The following RNGTT variants were observed in gnomAD, a reference collection of about 807,000 sequenced individuals.
The protein encoded by RNGTT is mRNA-capping enzyme.
Under a neutral mutation model 79.3 loss-of-function variants are expected in RNGTT, and 33 were observed. The observed-to-expected ratio is 0.42, with a 90% CI of 0.32 to 0.56. The LOEUF is 0.56. RNGTT is among the 20% of genes least tolerant of loss of function. The probability of loss-of-function intolerance (pLI) is 0.17; values close to 1 mark genes in which losing one functional copy is unlikely to be tolerated. For missense variants in RNGTT, 497 were observed against 739.1 expected (o/e 0.67, Z 3.80); for synonymous variants, 222 against 235.9 (o/e 0.94, Z 0.54).
intron 12 of RNGTT, among the ~76,000 whole-genome samples, chr6:88,787,521 T>C (rs1157337349): frequency 6.6e-6 from 1 of 151,974 alleles, no homozygotes; most frequent in Non-Finnish European, 1.5e-5. Flanking sequence ...TAGCTGGGTG[T>C]GGTGGTGCGG....
chr6:88,665,357 C>T (rs962749411), intron 14 of RNGTT, among the ~76,000 whole-genome samples: 2 of 152,142 alleles, frequency 1.3e-5, no homozygotes, highest in African/African-American at 4.8e-5. Flanking sequence ...TGGAAGGTAT[C>T]CAGGTTCATC....
intron 8 of RNGTT, among the ~76,000 whole-genome samples, chr6:88,869,436 T>C (rs1782285566): frequency 6.6e-6 from 1 of 152,156 alleles, no homozygotes; most frequent in African/African-American, 2.4e-5. Context: ...AGCTGATTGG[T>C]TTAATTTCAC....
chr6:88,807,723 A>G (rs1582484973), intron 11 of RNGTT, among the ~76,000 whole-genome samples: 1 of 152,114 alleles, frequency 6.6e-6, no homozygotes, highest in Non-Finnish European at 1.5e-5. Flanking sequence ...ACACACCCCA[A>G]TGGACTCCAA....
At chr6:88,789,783 G>T (rs927141668) in intron 12 of RNGTT, among the ~76,000 whole-genome samples, 3 of 152,124 alleles carry the variant, frequency 2.0e-5, no homozygotes, top group Admixed American at 2.0e-4. Flanking sequence ...TTTGCCTTTG[G>T]AATATTTCTG....
intron 12 of RNGTT, among the ~76,000 whole-genome samples, chr6:88,772,173 T>C (rs1401363075): frequency 6.6e-6 from 1 of 150,698 alleles, no homozygotes. Flanking sequence ...AGTGAAACTC[T>C]GTCTCAAAAA....
intron 12 of RNGTT, among the ~76,000 whole-genome samples, chr6:88,773,674 T>C (rs1778777299): frequency 6.6e-6 from 1 of 151,926 alleles, no homozygotes; most frequent in South Asian, 2.1e-4. Flanking sequence ...CTATAGCAAA[T>C]TGATTTCTTT....
At chr6:88,811,053 G>C (rs139506710) in intron 11 of RNGTT, among the ~76,000 whole-genome samples, 1 of 152,194 alleles carries the variant, frequency 6.6e-6, no homozygotes, top group East Asian at 1.9e-4. Context: ...TCAGAAACGT[G>C]GTTCTACTTA....
rs75335002 is a variant in RNGTT at position 88,820,877 on chromosome 6, C to A, written c.1270-19245G>T. Among the ~76,000 whole-genome samples the A allele has an allele frequency of 5.2e-3, 792 of 152,220 alleles. 8 individuals are homozygous for A. Among genetic ancestry groups the A allele is most frequent in the African/African-American group, 0.019 (770 of 41,564 alleles). On this transcript the variant is annotated intron_variant, in intron 11 of 15. Coordinates refer to ENST00000369485, the MANE Select transcript of RNGTT (RefSeq NM_003800.5). ...GACTCAATATTGTCAAGATGTCAGTCTTCCCAATTTGATCTACAGATTCAA... is the reference window on the plus strand; with the variant it reads ...GACTCAATATTGTCAAGATGTCAGTATTCCCAATTTGATCTACAGATTCAA...
chr6:88,745,637 G>A (rs1413066306), intron 13 of RNGTT, among the ~76,000 whole-genome samples: 1 of 151,984 alleles, frequency 6.6e-6, no homozygotes, highest in Non-Finnish European at 1.5e-5. Context: ...CTATAGAAGA[G>A]TGCCGGTCTA....
chr6:88,885,924 A>G (rs918846034), intron 8 of RNGTT, among the ~76,000 whole-genome samples: 2 of 152,220 alleles, frequency 1.3e-5, no homozygotes, highest in African/African-American at 4.8e-5. Flanking sequence ...ATGAGGAAAC[A>G]TCAAACAAAC....
chr6:88,848,832 A>G (rs761497535), intron 10 of RNGTT, among the ~76,000 whole-genome samples: 48 of 152,098 alleles, frequency 3.2e-4, no homozygotes, highest in Non-Finnish European at 6.8e-4. Flanking sequence ...TATTAAAAAG[A>G]AAGTGGACCA....
Position 88,766,399 on chromosome 6 carries a change from A to G in RNGTT, c.1439+3375T>C, listed in dbSNP as rs148394486. ...GACAATGACCATGGTTTTAGGTCAC[A>G]AGTTAGTTAATATAAAGCCATCATG... On this transcript the variant is annotated intron_variant, in intron 13 of 15. Coordinates refer to ENST00000369485, the MANE Select transcript of RNGTT (RefSeq NM_003800.5). Among the ~76,000 whole-genome samples, 183 of 152,278 alleles carry G rather than the reference A, an allele frequency of 1.2e-3. 1 individual carries two copies. Among genetic ancestry groups the G allele is most frequent in the African/African-American group, 4.3e-3 (178 of 41,570 alleles).
At chr6:88,888,646 A>G (rs571645146) in intron 8 of RNGTT, among the ~76,000 whole-genome samples, 3 of 152,292 alleles carry the variant, frequency 2.0e-5, no homozygotes, top group African/African-American at 7.2e-5. Context: ...CTAGTTCATT[A>G]AGGAAGTTCA....
chr6:88,741,618 T>G (rs1347121829), intron 13 of RNGTT, among the ~76,000 whole-genome samples: 1 of 152,148 alleles, frequency 6.6e-6, no homozygotes, highest in African/African-American at 2.4e-5. Context: ...ATTTTTAAAT[T>G]TAAAATAAAT....
chr6:88,812,940 AG>A (rs561632746), intron 11 of RNGTT, among the ~76,000 whole-genome samples: 185 of 152,352 alleles, frequency 1.2e-3, no homozygotes, highest in African/African-American at 4.3e-3. Context: ...ATTCATTTTT[AG>A]AAAATGATGA....
At chr6:88,960,730 C>G (rs1370427836) in intron 1 of RNGTT, among the ~76,000 whole-genome samples, 1 of 152,238 alleles carries the variant, frequency 6.6e-6, no homozygotes, top group Non-Finnish European at 1.5e-5. Context: ...TCCAAGAGCT[C>G]TCTCTCATTG....
At chr6:88,949,767 A>G (rs1264909288) in intron 1 of RNGTT, among the ~76,000 whole-genome samples, 2 of 152,234 alleles carry the variant, frequency 1.3e-5, no homozygotes, top group Admixed American at 6.5e-5. Context: ...GTTTAAGGAA[A>G]GAAGCCATCT....
chr6:88,822,844 GA>G (rs990442161), intron 11 of RNGTT, among the ~76,000 whole-genome samples: 32 of 152,240 alleles, frequency 2.1e-4, no homozygotes, highest in African/African-American at 7.5e-4. Flanking sequence ...TCCAGGAAAA[GA>G]AGTCTTTTCA....
At chr6:88,775,061 T>C (rs1472749050) in intron 12 of RNGTT, among the ~76,000 whole-genome samples, 2 of 152,250 alleles carry the variant, frequency 1.3e-5, no homozygotes, top group African/African-American at 4.8e-5. Context: ...ATTCACTTTA[T>C]AGGTATCCTA....
Sources: allele counts gnomAD v4.1 joint callset (sites outside exome capture counted in the v4.1 genomes callset), GRCh38; gene constraint gnomAD v4.1.1; transcripts MANE v1.5; gene names NCBI Gene and HGNC (gene_info 2026-07-23, HGNC 2026-07-21).